Variants in PRKCA observed in about 807,000 individuals in gnomAD.
PRKCA encodes the protein protein kinase C alpha, also known as protein kinase C alpha type.
A neutral mutation model predicts 87.0 loss-of-function variants in PRKCA; 27 were observed. That is an observed-to-expected ratio of 0.31 (90% confidence interval 0.23 to 0.43). The LOEUF (loss-of-function observed/expected upper bound fraction) is 0.43, where lower values mean the gene tolerates loss of function less well. Among genes scored for constraint, PRKCA ranks in the 20% least tolerant of loss-of-function variants. The pLI, the probability that PRKCA is intolerant of heterozygous loss-of-function variation, is 1.00. For synonymous variants in PRKCA, 329 were observed against 311.1 expected, an observed-to-expected ratio of 1.06 and a Z score of -0.61; for missense variants, 518 against 852.3, an observed-to-expected ratio of 0.61 and a Z score of 4.88.
chr17:66,533,036 A>G (rs1567880812), intron 3 of PRKCA, among the ~76,000 whole-genome samples: 2 of 152,166 alleles, frequency 1.3e-5, no homozygotes, highest in Non-Finnish European at 2.9e-5. Context: ...GCAGCCAACA[A>G]CACTTCAGTC....
intron 8 of PRKCA, among the ~76,000 whole-genome samples, chr17:66,713,469 G>A (rs1174770810): frequency 6.6e-6 from 1 of 152,136 alleles, no homozygotes; most frequent in East Asian, 1.9e-4. Flanking sequence ...CCCACCTGCA[G>A]CAGTGAAGCA....
chr17:66,433,157 T>TCCAA (rs1000824204), intron 2 of PRKCA, among the ~76,000 whole-genome samples: 48 of 152,146 alleles, frequency 3.2e-4, no homozygotes, highest in African/African-American at 1.1e-3. Context: ...CTCTAGAGAT[T>TCCAA]AAGTGTTCCA....
At chr17:66,378,004 A>G (rs1026195544) in intron 2 of PRKCA, among the ~76,000 whole-genome samples, 1 of 152,068 alleles carries the variant, frequency 6.6e-6, no homozygotes, top group Middle Eastern at 3.2e-3. Flanking sequence ...TGGGCACATT[A>G]TATTGTACCC....
At chr17:66,380,758 G>A (rs972208527) in intron 2 of PRKCA, among the ~76,000 whole-genome samples, 6 of 152,036 alleles carry the variant, frequency 3.9e-5, no homozygotes, top group African/African-American at 1.2e-4. Flanking sequence ...GTAGAACTGG[G>A]TAGCAGAGTG....
chr17:66,636,103 C>G (rs1286931519), intron 3 of PRKCA, among the ~76,000 whole-genome samples: 1 of 152,124 alleles, frequency 6.6e-6, no homozygotes, highest in Non-Finnish European at 1.5e-5. Context: ...TGATCCCACC[C>G]AATACATTTA....
chr17:66,454,769 C>T (rs921645476), intron 2 of PRKCA, among the ~76,000 whole-genome samples: 24 of 152,176 alleles, frequency 1.6e-4, no homozygotes, highest in Admixed American at 7.2e-4. Flanking sequence ...TAGGAATTTA[C>T]GGGAGGTACA....
intron 9 of PRKCA, among the ~76,000 whole-genome samples, chr17:66,734,482 G>A (rs1973976587): frequency 6.6e-6 from 1 of 152,216 alleles, no homozygotes; most frequent in African/African-American, 2.4e-5. Context: ...GTGCTGGTGG[G>A]AGTGTCTTTT....
chr17:66,457,167 G>A (rs1412634620), intron 2 of PRKCA, among the ~76,000 whole-genome samples: 1 of 152,102 alleles, frequency 6.6e-6, no homozygotes, highest in East Asian at 1.9e-4. Context: ...CGTCGTCTTG[G>A]CCTGTTTTCT....
intron 10 of PRKCA, among the ~76,000 whole-genome samples, chr17:66,737,954 T>C (rs1974074275): frequency 6.6e-6 from 1 of 152,224 alleles, no homozygotes; most frequent in African/African-American, 2.4e-5. Flanking sequence ...TCATCATTTT[T>C]TTCTCCCTGT....
At position 66,302,833 on chromosome 17, in the gene PRKCA, G is replaced by T; in HGVS notation, c.-19G>T. ...GGCCGCAGCTCCCCGGCGGAGGCAA[G>T]AGGTGGTTGGGGGGGACCATGGCTG... is the stretch of plus-strand genomic sequence containing the variant. On this transcript the variant is annotated 5_prime_UTR_variant, in exon 1 of 17. Transcript: ENST00000413366. The T allele has an allele frequency of 6.6e-7, 1 of 1,514,880 alleles. No homozygotes were observed. Among genetic ancestry groups the T allele is most frequent in the Non-Finnish European group, 8.9e-7 (1 of 1,125,982 alleles). The allele number at this position is 1,514,880 out of a possible 1,614,324, so 93.8% of individuals were successfully genotyped here. A position where few individuals can be genotyped will look rare whatever the true frequency, so the allele number is the denominator to read the frequency against.
At chr17:66,798,471 T>TAC (rs1975743560) in intron 16 of PRKCA, among the ~76,000 whole-genome samples, 6 of 38,598 alleles carry the variant, frequency 1.6e-4, no homozygotes, top group African/African-American at 2.5e-4. Context: ...GTGGTGGTGG[T>TAC]GGTGGTGGTG....
At chr17:66,352,159 C>G (rs1009243711) in intron 2 of PRKCA, among the ~76,000 whole-genome samples, 10 of 152,166 alleles carry the variant, frequency 6.6e-5, no homozygotes, top group Non-Finnish European at 1.5e-4. Context: ...GACGTGAGAT[C>G]CCAGAGTCTG....
intron 3 of PRKCA, among the ~76,000 whole-genome samples, chr17:66,615,099 C>T (rs1419865419): frequency 1.3e-5 from 2 of 152,104 alleles, no homozygotes; most frequent in Admixed American, 6.5e-5. Flanking sequence ...AGCTCCAGCC[C>T]TCGCGTTTGT....
At chr17:66,370,549 CTTTTTTTTTTTT>C (rs555797425) in intron 2 of PRKCA, among the ~76,000 whole-genome samples, 1 of 113,672 alleles carries the variant, frequency 8.8e-6, no homozygotes, top group Non-Finnish European at 1.8e-5. Flanking sequence ...CTTTTCTTTT[CTTTTTTTTTTTT>C]TTTTTTTTGA....
At chr17:66,507,057 C>A (rs986674043) in intron 3 of PRKCA, among the ~76,000 whole-genome samples, 4 of 152,078 alleles carry the variant, frequency 2.6e-5, no homozygotes, top group Non-Finnish European at 5.9e-5. Context: ...GTTTTTCTTG[C>A]ATTTATTCAT....
At chr17:66,714,480 GC>G (rs1450183283) in intron 8 of PRKCA, among the ~76,000 whole-genome samples, 1 of 152,194 alleles carries the variant, frequency 6.6e-6, no homozygotes, top group African/African-American at 2.4e-5. Context: ...CCTGAGGGCA[GC>G]TGGGAAGCCC....
intron 2 of PRKCA, among the ~76,000 whole-genome samples, chr17:66,447,107 G>A (rs930722853): frequency 1.3e-5 from 2 of 152,166 alleles, no homozygotes; most frequent in South Asian, 2.1e-4. Context: ...AAGTCACTCC[G>A]AGTGTAAGAG....
intron 3 of PRKCA, among the ~76,000 whole-genome samples, chr17:66,628,603 T>C (rs1970923392): frequency 6.6e-6 from 1 of 152,220 alleles, no homozygotes; most frequent in East Asian, 1.9e-4. Context: ...AGTATGGTTT[T>C]ACCTACTTAA....
At chr17:66,547,347 C>T (rs1156721568) in intron 3 of PRKCA, among the ~76,000 whole-genome samples, 1 of 152,180 alleles carries the variant, frequency 6.6e-6, no homozygotes, top group East Asian at 1.9e-4. Flanking sequence ...ATCTCAGTCC[C>T]AATCCCAGGT....
Sources: allele counts gnomAD v4.1 joint callset (sites outside exome capture counted in the v4.1 genomes callset), GRCh38; gene constraint gnomAD v4.1.1; transcripts MANE v1.5; gene names NCBI Gene and HGNC (gene_info 2026-07-23, HGNC 2026-07-21).